The following CRMP1 variants were observed in gnomAD, a reference collection of about 807,000 sequenced individuals.
The protein encoded by CRMP1 is collapsin response mediator protein 1, also known as dihydropyrimidinase-related protein 1.
In CRMP1, 19 loss-of-function variants were observed where a neutral mutation model predicts 68.3. The ratio of observed to expected loss-of-function variants is 0.28; its 90% CI spans 0.19 to 0.41. The LOEUF (loss-of-function observed/expected upper bound fraction) is 0.41. CRMP1 is among the 10% of genes least tolerant of loss of function. CRMP1 has a pLI of 1.00. For synonymous variants in CRMP1, 439 were observed against 399.6 expected (o/e 1.10, Z -1.18); for missense variants, 791 against 967.4 (o/e 0.82, Z 2.42).
At chr4:5,878,803 AT>A (rs576349229) in intron 1 of CRMP1, among the ~76,000 whole-genome samples, 3,642 of 147,256 alleles carry the variant, frequency 0.025, 64 homozygotes, top group South Asian at 0.048. Context: ...ACAGTGCCTT[AT>A]TTTTTTTTTT....
chr4:5,852,754 G>C (rs929389386), intron 4 of CRMP1, among the ~76,000 whole-genome samples: 2 of 152,188 alleles, frequency 1.3e-5, no homozygotes, highest in African/African-American at 4.8e-5. Flanking sequence ...GTATCAGCAA[G>C]TCAATGGGCA....
Position 5,888,478 on chromosome 4 carries a change from T to A in CRMP1, c.381+4111A>T. On this transcript the variant is annotated intron_variant, in intron 1 of 13. Coordinates refer to ENST00000324989, the MANE Select transcript of CRMP1 (RefSeq NM_001014809.3). This position sits in a 1 kb window ranked among gnomAD's most constrained non-coding sequence, Gnocchi z 6.4. ...GCTCCGGCTGCCAGCACCGCCCGGA[T>A]CGGCGAGGAGGGCGGGAGAAGGAGG... The A allele has an allele frequency of 3.3e-6, 4 of 1,205,154 alleles. No homozygotes were observed. The highest frequency in any genetic ancestry group is 4.1e-6 in the Non-Finnish European group (4 of 971,500). 74.7% of individuals were successfully genotyped at this position (1,205,154 alleles called of 1,614,324 possible).
chr4:5,834,101 T>A lies in CRMP1; in HGVS notation c.1623+1814A>T, dbSNP rs1350965963. 6.6e-6 allele frequency among the ~76,000 whole-genome samples: 1 copy of A among 152,124 alleles called. No homozygotes were observed. The highest frequency in any genetic ancestry group is 1.9e-4 in the East Asian group (1 of 5,190). On this transcript the variant is annotated intron_variant, in intron 11 of 13. Coordinates refer to ENST00000324989, the MANE Select transcript of CRMP1 (RefSeq NM_001014809.3). The surrounding 1 kb of genome is among the most constrained non-coding windows in gnomAD (Gnocchi z 4.3). ...CCAGCTCAGTCTACTTCCTTCTGGG[T>A]CCTTGTCCGCCGACCTTTGACTGGC...
rs1019454631 is a variant in CRMP1 at position 5,838,469 on chromosome 4, T to C, written c.1310+1053A>G. The stretch of plus-strand genomic sequence containing the variant: ...AGGGTGGGGTGGGCCCGTGTGGAAA[T>C]AGAAAGTCTTGGTCGGAAGCCAGGG... On this transcript the variant is annotated intron_variant, in intron 9 of 13. Transcript: ENST00000324989. This position sits in a 1 kb window ranked among gnomAD's most constrained non-coding sequence, Gnocchi z 4.9. Among the ~76,000 whole-genome samples the C allele has an allele frequency of 1.3e-4, 20 of 151,976 alleles. No homozygotes were observed. Among genetic ancestry groups the C allele is most frequent in the African/African-American group, 4.1e-4 (17 of 41,368 alleles).
Position 5,893,023 on chromosome 4 carries a change from G to A in CRMP1, c.-54C>T, listed in dbSNP as rs1716023679. The A allele has an allele frequency of 1.8e-6, 2 of 1,092,314 alleles. No homozygotes were observed. Among genetic ancestry groups the A allele is most frequent in the Non-Finnish European group, 2.2e-6 (2 of 894,580 alleles). 67.7% of individuals were successfully genotyped at this position (1,092,314 alleles called of 1,614,324 possible). On this transcript the variant is annotated 5_prime_UTR_variant, in exon 1 of 14. Coordinates refer to ENST00000324989, the MANE Select transcript of CRMP1 (RefSeq NM_001014809.3). ...CTCCCGCCTGCCCGCCCGCGGCCCT[G>A]GGCACCGCCGTGCGCCGCGCTCCGC...
At position 5,883,655 on chromosome 4, in the gene CRMP1, GAC is replaced by G. The variant is rs148593249; in HGVS notation, c.381+8932_381+8933del. Reference sequence around the variant, plus strand: ...AGATGGCAAGATAATTAAGGTCAGGGACACACACACACACACACACACACATG... The same window carrying G: ...AGATGGCAAGATAATTAAGGTCAGGGACACACACACACACACACACACATG... On this transcript the variant is annotated intron_variant, in intron 1 of 13. Transcript: ENST00000324989. The surrounding 1 kb of genome is among the most constrained non-coding windows in gnomAD (Gnocchi z 4.5). Among the ~76,000 whole-genome samples, 30 of 149,518 alleles carry G rather than the reference GAC, an allele frequency of 2.0e-4. No individual in the cohort carries two copies. The highest frequency in any genetic ancestry group is 5.3e-4 in the Admixed American group (8 of 15,008).
At position 5,860,670 on chromosome 4, in the gene CRMP1, T is replaced by A. The variant is rs1303845884; in HGVS notation, c.655+356A>T. 6.6e-6 allele frequency among the ~76,000 whole-genome samples: 1 copy of A among 152,036 alleles called. No homozygotes were observed. The highest frequency in any genetic ancestry group is 2.4e-5 in the African/African-American group (1 of 41,384). On this transcript the variant is annotated intron_variant, in intron 3 of 13. Transcript: ENST00000324989. This position sits in a 1 kb window ranked among gnomAD's most constrained non-coding sequence, Gnocchi z 4.2. Reference sequence around the variant, plus strand: ...CTTTATCTCCCTATAATCCATGTCTTCTTTACTTAATACTTTTCTTTAAAC... The same window carrying A: ...CTTTATCTCCCTATAATCCATGTCTACTTTACTTAATACTTTTCTTTAAAC...
Position 5,855,857 on chromosome 4 carries a change from G to A in CRMP1, c.820+286C>T, listed in dbSNP as rs549986181. On this transcript the variant is annotated intron_variant, in intron 4 of 13. Transcript: ENST00000324989. The surrounding 1 kb of genome is among the most constrained non-coding windows in gnomAD (Gnocchi z 4.9). ...GGATGGCAGCCAGGCTAGTGATCCG[G>A]GTGATGGAAAAGAAAAGTGAAGTTA... 6.6e-6 allele frequency among the ~76,000 whole-genome samples: 1 copy of A among 152,282 alleles called. No homozygotes were observed. The highest frequency in any genetic ancestry group is 1.9e-4 in the East Asian group (1 of 5,174).
chr4:5,847,633 A>T (rs1166457222), intron 6 of CRMP1, among the ~76,000 whole-genome samples: 2 of 152,192 alleles, frequency 1.3e-5, no homozygotes, highest in Middle Eastern at 3.2e-3. Flanking sequence ...CTCAGATAAG[A>T]AGAAGTGAAG....
At position 5,841,483 on chromosome 4, in the gene CRMP1, C is replaced by G; in HGVS notation, c.1033-55G>C. 1 of 1,603,914 alleles carries G rather than the reference C, an allele frequency of 6.2e-7. No homozygotes were observed. The highest frequency in any genetic ancestry group is 8.5e-7 in the Non-Finnish European group (1 of 1,173,050). On this transcript the variant is annotated intron_variant, in intron 7 of 13. Transcript: ENST00000324989. The surrounding 1 kb of genome is among the most constrained non-coding windows in gnomAD (Gnocchi z 6.9). ...GGGAAGGCTGGTGTAACAGCTACCA[C>G]CCATCTCCATTTTCCTTAATTGAAT...
intron 13 of CRMP1, chr4:5,824,463 A>T (rs1178293325): frequency 1.0e-6 from 1 of 985,064 alleles, no homozygotes. Flanking sequence ...GCCACCACAC[A>T]ATCTGAATTC....
Position 5,853,768 on chromosome 4 carries a change from G to A in CRMP1, c.821-2299C>T, listed in dbSNP as rs546845737. ...GGATGCCTTAGTAAAGAAGGACATC[G>A]TGTCATTTGCAGCAACAAAGTTGAA... On this transcript the variant is annotated intron_variant, in intron 4 of 13. Coordinates refer to ENST00000324989, the MANE Select transcript of CRMP1 (RefSeq NM_001014809.3). This position sits in a 1 kb window ranked among gnomAD's most constrained non-coding sequence, Gnocchi z 4.7. Among the ~76,000 whole-genome samples, 5 of 152,344 alleles carry A rather than the reference G, an allele frequency of 3.3e-5. No homozygotes were observed. The highest frequency in any genetic ancestry group is 2.1e-4 in the South Asian group (1 of 4,828).
intron 12 of CRMP1, chr4:5,826,645 G>A (rs1331763029): frequency 6.6e-6 from 1 of 152,280 alleles, no homozygotes; most frequent in Non-Finnish European, 1.5e-5. Context: ...AAGGTTGGGA[G>A]GGCACCTGCT....
chr4:5,842,472 G>A lies in CRMP1; in HGVS notation c.1032+621C>T, dbSNP rs1377554950. ...AGAAAAGAAAGAAAGAAAGTAAAAA[G>A]AAGGTGTCCTCAACTCAAAGGATGG... On this transcript the variant is annotated intron_variant, in intron 7 of 13. Transcript: ENST00000324989. This position sits in a 1 kb window ranked among gnomAD's most constrained non-coding sequence, Gnocchi z 4.5. Among the ~76,000 whole-genome samples, 7 of 146,514 alleles carry A rather than the reference G, an allele frequency of 4.8e-5. No individual in the cohort carries two copies.
chr4:5,827,707 G>A lies in CRMP1; in HGVS notation c.1803+782C>T, dbSNP rs566279491. Among the ~76,000 whole-genome samples the A allele has an allele frequency of 2.0e-3, 297 of 149,540 alleles. 2 individuals are homozygous for A. The highest frequency in any genetic ancestry group is 6.5e-3 in the African/African-American group (256 of 39,530). ...GCATGTACACATGCACACATGACAC[G>A]CATAGACATACACACATGTGCGCGT... On this transcript the variant is annotated intron_variant, in intron 12 of 13. Transcript: ENST00000324989.
In CRMP1 at chr4:5,892,858, C is replaced by A; in HGVS notation, c.112G>T (p.Ala38Ser). Reference protein sequence around the residue: ...PRQKYGGMFAAVEGAYENKTI... With the variant: ...PRQKYGGMFASVEGAYENKTI... ...TTGTTCTCGTAGGCGCCCTCCACCG[C>A]GGCGAACATGCCGCCGTACTTCTGG... is the stretch of plus-strand genomic sequence containing the variant. Residue 38 changes from alanine to serine, a missense_variant, in exon 1 of 14, where the codon GCG becomes TCG. By Grantham distance (99) the Ala-to-Ser change is moderately conservative (BLOSUM62 1). This residue lies in a region of CRMP1 where 193 missense variants were observed against 186.3 expected (regional missense o/e 1.04). Transcript: ENST00000324989. The surrounding 1 kb of genome is among the most constrained non-coding windows in gnomAD (Gnocchi z 8.6). 1 of 1,417,088 alleles carries A rather than the reference C, an allele frequency of 7.1e-7. No homozygotes were observed. The highest frequency in any genetic ancestry group is 1.4e-5 in the South Asian group (1 of 73,470). The allele number at this position is 1,417,088 out of a possible 1,614,324, so 87.8% of individuals were successfully genotyped here. A position where few individuals can be genotyped will look rare whatever the true frequency, so the allele number is the denominator to read the frequency against.
At chr4:5,849,329 C>A in intron 6 of CRMP1, 63 bp downstream of exon 6, 1 of 1,386,960 alleles carries the variant, frequency 7.2e-7, no homozygotes, top group South Asian at 1.2e-5. Flanking sequence ...GCTCTTTTAT[C>A]AAACCTTTTG....
chr4:5,862,508 G>A (rs1197009894), intron 2 of CRMP1, among the ~76,000 whole-genome samples: 4 of 152,134 alleles, frequency 2.6e-5, no homozygotes, highest in Non-Finnish European at 5.9e-5. Context: ...GAAGACACTC[G>A]ACCCTTAACT....
intron 10 of CRMP1, 33 bp downstream of exon 10, chr4:5,836,732 C>T: frequency 1.2e-6 from 2 of 1,613,960 alleles, no homozygotes; most frequent in Non-Finnish European, 8.5e-7. Flanking sequence ...TAGAGTGTTT[C>T]TAGAATGCTC....
Sources: gnomAD v4.1 joint callset for allele counts (sites outside exome capture counted in the v4.1 genomes callset) on GRCh38, gnomAD v4.1.1 for gene constraint, gnomAD v4.1.1 regional missense constraint, Gnocchi (gnomAD v3.1) non-coding constraint, MANE v1.5 for transcripts, NCBI Gene and HGNC (gene_info 2026-07-23, HGNC 2026-07-21) for gene names.